Variants in OLFML2B observed in about 807,000 individuals in gnomAD.
OLFML2B encodes olfactomedin like 2B.
A neutral mutation model predicts 74.9 loss-of-function variants in OLFML2B; 57 were observed. That is an observed-to-expected ratio of 0.76 (90% CI 0.61 to 0.95). The LOEUF is 0.95. OLFML2B is among the 40% of genes least tolerant of loss of function. The probability of loss-of-function intolerance (pLI) is 0.00; values close to 1 mark genes in which losing one functional copy is unlikely to be tolerated. For missense variants in OLFML2B, 986 were observed against 970.6 expected (o/e 1.02, Z -0.21); for synonymous variants, 388 against 405.8 (o/e 0.96, Z 0.53).
At chr1:162,008,825 C>G (rs181172252) in intron 3 of OLFML2B, among the ~76,000 whole-genome samples, 1 of 152,214 alleles carries the variant, frequency 6.6e-6, no homozygotes. Context: ...GAAAAACGGA[C>G]AGAAATGTGT....
At chr1:162,007,580 G>C (rs1416679704) in intron 3 of OLFML2B, among the ~76,000 whole-genome samples, 1 of 152,222 alleles carries the variant, frequency 6.6e-6, no homozygotes, top group Non-Finnish European at 1.5e-5. Context: ...ATGTAAAATA[G>C]AGGATGTGTT....
intron 5 of OLFML2B, 93 bp downstream of exon 5, chr1:162,000,020 G>T (rs1690036848): frequency 2.2e-6 from 2 of 908,930 alleles, no homozygotes; most frequent in East Asian, 4.8e-5. Context: ...GTATGGAGGG[G>T]TGTATGGCTC....
intron 5 of OLFML2B, among the ~76,000 whole-genome samples, chr1:161,998,909 G>A (rs1374585915): frequency 6.6e-6 from 1 of 152,232 alleles, no homozygotes; most frequent in Non-Finnish European, 1.5e-5. Context: ...GCAGCTGCCT[G>A]GAGGAGGTGA....
intron 5 of OLFML2B, among the ~76,000 whole-genome samples, chr1:161,999,667 C>T (rs12095407): frequency 0.069 from 10,556 of 152,148 alleles, 470 homozygotes; most frequent in African/African-American, 0.13. Flanking sequence ...GAAAAGGGAT[C>T]GTCTCTCTTC....
At chr1:162,016,654 T>C (rs766130534) in intron 3 of OLFML2B, among the ~76,000 whole-genome samples, 1 of 152,198 alleles carries the variant, frequency 6.6e-6, no homozygotes, top group African/African-American at 2.4e-5. Context: ...ACCAATAAGA[T>C]TGAATAATGA....
chr1:161,989,479 G>A (rs1689676058), intron 6 of OLFML2B, among the ~76,000 whole-genome samples: 1 of 152,148 alleles, frequency 6.6e-6, no homozygotes, highest in Admixed American at 6.5e-5. Flanking sequence ...CCCTCAGGCT[G>A]CCAGCTTGAG....
chr1:162,002,162 C>T (rs1486314268), intron 4 of OLFML2B, among the ~76,000 whole-genome samples: 2 of 152,240 alleles, frequency 1.3e-5, no homozygotes, highest in African/African-American at 4.8e-5. Flanking sequence ...AAAGTCAGGG[C>T]CACCCCACAG....
chr1:161,990,738 G>A (rs1689715864), intron 6 of OLFML2B, among the ~76,000 whole-genome samples: 1 of 152,162 alleles, frequency 6.6e-6, no homozygotes, highest in East Asian at 1.9e-4. Context: ...TTCCTTTCAT[G>A]AAAGATTTCT....
rs1689540257 is a variant in OLFML2B at position 161,984,826 on chromosome 1, C to G, written c.1629G>C (p.Arg543=). ...TACCTTGTTTGAAGTTCTCCAGGTTCCGGAACTCTACCAGGGTGTTGCCGT... is the reference window on the plus strand; with the variant it reads ...TACCTTGTTTGAAGTTCTCCAGGTTGCGGAACTCTACCAGGGTGTTGCCGT... ...YYYGNTLVEF[R]NLENFKQGRW... Residue 543 remains arginine, a synonymous_variant, in exon 7 of 8, where the codon CGG becomes CGC. Coordinates refer to ENST00000294794, the MANE Select transcript of OLFML2B (RefSeq NM_015441.3). 1 of 1,613,510 alleles carries G rather than the reference C, an allele frequency of 6.2e-7. No homozygotes were observed. The highest frequency in any genetic ancestry group is 8.5e-7 in the Non-Finnish European group (1 of 1,179,876).
rs1180075911 is a variant in OLFML2B at position 162,017,421 on chromosome 1, C to T, written c.525G>A (p.Gly175=). 6.2e-7 allele frequency: 1 copy of T among 1,613,404 alleles called. No individual in the cohort carries two copies. Among genetic ancestry groups the T allele is most frequent in the Admixed American group, 1.7e-5 (1 of 59,810 alleles). ...TTACCTCCTCCAGTTTATCCACTCG[C>T]CCCACCAGTTTGGTGGTGACTGAAT... The part of the protein sequence containing the change: ...KLHSVTTKLV[G]RVDKLEEEVS... The change falls in exon 3 of 8, where the codon GGG becomes GGA. Residue 175 remains glycine (G), a synonymous_variant. Transcript: ENST00000294794.
Position 162,023,126 on chromosome 1 carries a change from A to T in OLFML2B, c.174+131T>A, listed in dbSNP as rs1490714285. The T allele has an allele frequency of 1.3e-5, 11 of 856,764 alleles. No individual in the cohort carries two copies. The East Asian group carries it at 3.3e-4, about 26-fold the overall frequency. 53.1% of individuals were successfully genotyped at this position (856,764 alleles called of 1,614,324 possible). The stretch of plus-strand genomic sequence containing the variant: ...CATTAAGAAAATATTCCGATACATG[A>T]AAAATCAAAAGCCCTTTCCATTGGT... On this transcript the variant is annotated intron_variant, in intron 1 of 7. Transcript: ENST00000294794.
chr1:161,985,078 G>A, intron 6 of OLFML2B, 98 bp from the exon 7 acceptor site: 1 of 1,319,082 alleles, frequency 7.6e-7, no homozygotes, highest in Non-Finnish European at 1.0e-6. Flanking sequence ...GGACTCCTCG[G>A]CAGGCTTTAA....
intron 4 of OLFML2B, among the ~76,000 whole-genome samples, chr1:162,002,681 C>A (rs1371695771): frequency 1.3e-5 from 2 of 152,190 alleles, no homozygotes; most frequent in Non-Finnish European, 1.5e-5. Flanking sequence ...CTCTCTCTCC[C>A]CAGCACACAG....
At chr1:162,002,182 G>C (rs894660860) in intron 4 of OLFML2B, among the ~76,000 whole-genome samples, 7 of 152,246 alleles carry the variant, frequency 4.6e-5, no homozygotes, top group Non-Finnish European at 8.8e-5. Context: ...GGTGGGTCCA[G>C]CTGCTTTGGT....
chr1:161,997,834 T>A lies in OLFML2B; in HGVS notation c.1465A>T (p.Asn489Tyr). The change falls in exon 6 of 8, where the codon AAT becomes TAT. Residue 489 changes from asparagine (N) to tyrosine (Y), a missense_variant. Coordinates refer to ENST00000294794, the MANE Select transcript of OLFML2B (RefSeq NM_015441.3). ...LSPEEEDDIR[N>Y]VIGRCKDTLS... ...GGTACAATGAACTTACCTATGACAT[T>A]CCGGATGTCATCTTCTTCTTCGGGG... The A allele has an allele frequency of 4.3e-6, 7 of 1,612,510 alleles. No individual in the cohort carries two copies. Among genetic ancestry groups the A allele is most frequent in the Non-Finnish European group, 5.9e-6 (7 of 1,178,982 alleles).
At chr1:161,999,803 C>G (rs1441182418) in intron 5 of OLFML2B, among the ~76,000 whole-genome samples, 2 of 152,192 alleles carry the variant, frequency 1.3e-5, no homozygotes, top group East Asian at 3.9e-4. Flanking sequence ...GCAAGTCAGT[C>G]TCCCCAAACC....
Position 161,998,333 on chromosome 1 carries a change from G to A in OLFML2B, c.966C>T (p.Ser322=), listed in dbSNP as rs375615260. 1.9e-5 allele frequency: 30 copies of A among 1,553,674 alleles called. No individual in the cohort carries two copies. The highest frequency in any genetic ancestry group is 8.2e-5 in the African/African-American group (6 of 73,208). Residue 322 remains serine, a synonymous_variant, in exon 6 of 8, where the codon AGC becomes AGT. Transcript: ENST00000294794. ...DIEEQQDEFF[S]GDNGVDLLIE... is the part of the protein sequence containing the mutation. ...TCAGCAAATCCACTCCATTGTCACC[G>A]CTGAAAAACTCATCTTCTGTGAAAC...
At position 162,020,117 on chromosome 1, in the gene OLFML2B, C is replaced by T. The variant is rs758090148; in HGVS notation, c.240G>A (p.Val80=). ...SEGSDCQCKC[V]VRPLGRDACQ... ...AGGCATCCCGGCCCAGGGGTCTCACCACACACTTGCACTGACAGTCCGAGC... is the reference window on the plus strand; with the variant it reads ...AGGCATCCCGGCCCAGGGGTCTCACTACACACTTGCACTGACAGTCCGAGC... The change falls in exon 2 of 8, where the codon GTG becomes GTA. Residue 80 remains valine, a synonymous_variant. Transcript: ENST00000294794. 6.2e-7 allele frequency: 1 copy of T among 1,614,206 alleles called. No homozygotes were observed. Among genetic ancestry groups the T allele is most frequent in the Non-Finnish European group, 8.5e-7 (1 of 1,180,024 alleles).
chr1:161,999,131 G>A (rs1194731715), intron 5 of OLFML2B, among the ~76,000 whole-genome samples: 2 of 152,194 alleles, frequency 1.3e-5, no homozygotes, highest in South Asian at 2.1e-4. Context: ...TGAAAGAAAT[G>A]GGGGAGGCTG....
Sources: allele counts gnomAD v4.1 joint callset (sites outside exome capture counted in the v4.1 genomes callset), GRCh38; gene constraint gnomAD v4.1.1; transcripts MANE v1.5; gene names NCBI Gene and HGNC (gene_info 2026-07-23, HGNC 2026-07-21).